Variants in CORO2B observed in about 807,000 individuals in gnomAD.
The protein encoded by CORO2B is coronin-2B.
A neutral mutation model predicts 58.8 loss-of-function variants in CORO2B; 26 were observed. The ratio of observed to expected loss-of-function variants is 0.44; its 90% CI spans 0.32 to 0.61. The LOEUF is 0.61. Ranked by LOEUF, CORO2B falls within the 20% of genes least tolerant of loss-of-function variation. CORO2B has a pLI of 0.04. For synonymous variants in CORO2B, 242 were observed against 253.8 expected, an observed-to-expected ratio of 0.95 and a Z score of 0.44; for missense variants, 460 against 645.1, an observed-to-expected ratio of 0.71 and a Z score of 3.11.
intron 2 of CORO2B, among the ~76,000 whole-genome samples, chr15:68,667,103 C>A (rs1902216677): frequency 6.6e-6 from 1 of 152,072 alleles, no homozygotes; most frequent in Non-Finnish European, 1.5e-5. Context: ...TGCTCCCCCA[C>A]CCCTACTCTA....
At chr15:68,696,557 CAAAAA>C (rs3985628) in intron 3 of CORO2B, among the ~76,000 whole-genome samples, 1 of 110,054 alleles carries the variant, frequency 9.1e-6, no homozygotes, top group African/African-American at 3.5e-5. Flanking sequence ...GACTCTGCCT[CAAAAA>C]AAAAAAAAAA....
chr15:68,712,700 G>A (rs902940561), intron 5 of CORO2B, among the ~76,000 whole-genome samples: 7 of 152,064 alleles, frequency 4.6e-5, no homozygotes, highest in Non-Finnish European at 8.8e-5. Flanking sequence ...CACTGTGCCC[G>A]GGGCTCTGCA....
At chr15:68,660,263 T>G in intron 2 of CORO2B, among the ~76,000 whole-genome samples, 1 of 152,242 alleles carries the variant, frequency 6.6e-6, no homozygotes, top group East Asian at 1.9e-4. Flanking sequence ...CTGCTTCTTC[T>G]ATGTCTTCTT....
At chr15:68,658,469 G>T (rs1196558867) in intron 2 of CORO2B, among the ~76,000 whole-genome samples, 2 of 152,362 alleles carry the variant, frequency 1.3e-5, no homozygotes, top group Non-Finnish European at 2.9e-5. Flanking sequence ...GGGTAGAAGC[G>T]GGAGGGGCTG....
At chr15:68,559,408 C>T in the CORO2B span, among the ~76,000 whole-genome samples, 5 of 151,562 alleles carry the variant, frequency 3.3e-5, no homozygotes, top group African/African-American at 1.2e-4. This position sits in a 1 kb window ranked among gnomAD's most constrained non-coding sequence, Gnocchi z 4.3. Flanking sequence ...TCTTAAAGTG[C>T]GGTCAGAAGA....
chr15:68,701,425 C>A (rs1378071754), intron 3 of CORO2B, among the ~76,000 whole-genome samples: 1 of 150,190 alleles, frequency 6.7e-6, no homozygotes, highest in Non-Finnish European at 1.5e-5. Flanking sequence ...CATTCTCCTG[C>A]CTCAGCCTCC....
At chr15:68,601,269 G>T (rs111597843) in intron 1 of CORO2B, among the ~76,000 whole-genome samples, 2,212 of 152,330 alleles carry the variant, frequency 0.015, 19 homozygotes, top group South Asian at 0.022. Flanking sequence ...AGAGATGGTT[G>T]AGATACTGCC....
At chr15:68,648,606 C>T (rs745709052) in intron 2 of CORO2B, among the ~76,000 whole-genome samples, 4 of 152,098 alleles carry the variant, frequency 2.6e-5, no homozygotes, top group East Asian at 1.9e-4. Context: ...GCCAAGATTG[C>T]GCCAGTGCAC....
intron 1 of CORO2B, among the ~76,000 whole-genome samples, chr15:68,627,196 T>A (rs1900706518): frequency 6.6e-6 from 1 of 152,262 alleles, no homozygotes; most frequent in Admixed American, 6.5e-5. Context: ...CTTGTTTATT[T>A]GTTTTACTTT....
rs1391682065 is a variant in CORO2B at position 68,586,026 on chromosome 15, T to C, written c.15+6749T>C. 1.3e-5 allele frequency among the ~76,000 whole-genome samples: 2 copies of C among 152,168 alleles called. 1 individual carries two copies. Among genetic ancestry groups the C allele is most frequent in the Admixed American group, 1.3e-4 (2 of 15,288 alleles). On this transcript the variant is annotated intron_variant, in intron 1 of 11. Transcript: ENST00000261861. ...AGCCTTTTCTCGAGTTAGCCCCTGA[T>C]GATTTGGGGTTCCACTGGCTAGGAA...
chr15:68,719,366 A>G (rs576634396), intron 10 of CORO2B, 47 bp from the exon 11 acceptor site: 1 of 1,609,804 alleles, frequency 6.2e-7, no homozygotes, highest in Non-Finnish European at 8.5e-7. Flanking sequence ...CCATCACCTG[A>G]CAGTCCATGG....
intron 1 of CORO2B, among the ~76,000 whole-genome samples, chr15:68,613,171 C>T (rs143252683): frequency 2.0e-5 from 3 of 152,128 alleles, no homozygotes; most frequent in South Asian, 4.1e-4. Flanking sequence ...AACACTTTAT[C>T]GCATGACCAC....
chr15:68,607,275 G>A (rs1317134324), intron 1 of CORO2B, among the ~76,000 whole-genome samples: 1 of 150,548 alleles, frequency 6.6e-6, no homozygotes, highest in Non-Finnish European at 1.5e-5. Flanking sequence ...GGCTGGACTG[G>A]GCTGGGACTG....
chr15:68,641,942 G>C (rs1197365029), intron 1 of CORO2B, among the ~76,000 whole-genome samples: 1 of 151,794 alleles, frequency 6.6e-6, no homozygotes, highest in Non-Finnish European at 1.5e-5. Context: ...GCTCAGGCTA[G>C]TGTCTCCAAT....
intron 1 of CORO2B, among the ~76,000 whole-genome samples, chr15:68,642,035 CTTTTTTTT>C (rs33965107): frequency 1.7e-5 from 2 of 115,978 alleles, no homozygotes; most frequent in African/African-American, 6.8e-5. Flanking sequence ...GGCCTAGCCT[CTTTTTTTT>C]TTTTTTTTTT....
chr15:68,693,614 C>T (rs886785322), intron 2 of CORO2B, among the ~76,000 whole-genome samples: 4 of 152,176 alleles, frequency 2.6e-5, no homozygotes, highest in African/African-American at 9.7e-5. Context: ...ACCTTTGTAG[C>T]CGCTAAACAT....
chr15:68,640,739 G>C (rs1041974409), intron 1 of CORO2B, among the ~76,000 whole-genome samples: 5 of 152,196 alleles, frequency 3.3e-5, no homozygotes, highest in African/African-American at 1.2e-4. Context: ...GGAAATTGCC[G>C]TCCTTTGTAG....
chr15:68,720,064 G>A (rs1004437336), intron 11 of CORO2B, among the ~76,000 whole-genome samples: 21 of 152,240 alleles, frequency 1.4e-4, no homozygotes, highest in South Asian at 4.1e-4. Flanking sequence ...GCGGTATTTC[G>A]TTCCAGCCCA....
At chr15:68,630,826 G>C (rs1900807920) in intron 1 of CORO2B, among the ~76,000 whole-genome samples, 1 of 152,138 alleles carries the variant, frequency 6.6e-6, no homozygotes, top group Non-Finnish European at 1.5e-5. Context: ...TTACCTCTTG[G>C]CCACAAAATG....
Sources: gnomAD v4.1 joint callset for allele counts (sites outside exome capture counted in the v4.1 genomes callset) on GRCh38, gnomAD v4.1.1 for gene constraint, Gnocchi (gnomAD v3.1) non-coding constraint, MANE v1.5 for transcripts, NCBI Gene and HGNC (gene_info 2026-07-23, HGNC 2026-07-21) for gene names.